SHISA9: variants seen among roughly 807,000 people sequenced by gnomAD.
The protein encoded by SHISA9 is protein shisa-9.
SHISA9 carries 13 observed loss-of-function variants against 38.0 expected under a neutral mutation model. The ratio of observed to expected loss-of-function variants is 0.34; its 90% CI spans 0.22 to 0.54. The LOEUF (loss-of-function observed/expected upper bound fraction) is 0.54. Among genes scored for constraint, SHISA9 ranks in the 20% least tolerant of loss-of-function variants. SHISA9 has a pLI of 0.91. For synonymous variants in SHISA9, 275 were observed against 242.0 expected (o/e 1.14, Z -1.27); for missense variants, 538 against 575.8 (o/e 0.93, Z 0.67).
At chr16:13,398,502 AT>A in the SHISA9 span, among the ~76,000 whole-genome samples, 47,753 of 140,118 alleles carry the variant, frequency 0.34, 7,583 homozygotes, top group Admixed American at 0.44. Context: ...TTTATTCACC[AT>A]TTTTTTTTTT....
chr16:13,477,627 A>G, the SHISA9 span, among the ~76,000 whole-genome samples: 19 of 152,200 alleles, frequency 1.2e-4, no homozygotes, highest in Non-Finnish European at 5.9e-5. Context: ...AAACAAAACG[A>G]AAGTATTTCC....
chr16:12,967,925 C>T (rs1220713501), intron 2 of SHISA9, among the ~76,000 whole-genome samples: 1 of 152,136 alleles, frequency 6.6e-6, no homozygotes, highest in Non-Finnish European at 1.5e-5. Flanking sequence ...CATGGTGGCT[C>T]ATGCCTGTAA....
chr16:12,988,583 G>C (rs532587716), intron 2 of SHISA9, among the ~76,000 whole-genome samples: 3 of 152,254 alleles, frequency 2.0e-5, no homozygotes, highest in African/African-American at 7.2e-5. Context: ...GGAGTGCAGT[G>C]GCGCGATTTC....
chr16:13,069,695 G>A (rs1020721483), intron 2 of SHISA9, among the ~76,000 whole-genome samples: 3 of 152,114 alleles, frequency 2.0e-5, no homozygotes, highest in African/African-American at 7.2e-5. Context: ...CAGTGAGGGT[G>A]CTATGGTCTC....
At chr16:13,326,098 G>A in the SHISA9 span, among the ~76,000 whole-genome samples, 111 of 151,418 alleles carry the variant, frequency 7.3e-4, no homozygotes, top group African/African-American at 2.5e-3. Context: ...AAAAAAAGAT[G>A]CTGTCCAAAT....
the SHISA9 span, among the ~76,000 whole-genome samples, chr16:13,500,400 C>G: frequency 6.6e-6 from 1 of 152,116 alleles, no homozygotes; most frequent in Admixed American, 6.5e-5. Context: ...AGGACTAAAA[C>G]AGTGCTGCTC....
chr16:13,102,271 C>G (rs1280313795), intron 2 of SHISA9, among the ~76,000 whole-genome samples: 2 of 152,176 alleles, frequency 1.3e-5, no homozygotes, highest in East Asian at 3.8e-4. Flanking sequence ...TTCTAAACAC[C>G]TAGCACTGTG....
intron 2 of SHISA9, among the ~76,000 whole-genome samples, chr16:12,997,705 C>G (rs2072475715): frequency 6.6e-6 from 1 of 152,174 alleles, no homozygotes; most frequent in Non-Finnish European, 1.5e-5. Flanking sequence ...CATACCCAGC[C>G]TTAACCTAAA....
chr16:13,075,823 T>G (rs1459777875), intron 2 of SHISA9, among the ~76,000 whole-genome samples: 1 of 152,120 alleles, frequency 6.6e-6, no homozygotes, highest in Non-Finnish European at 1.5e-5. Context: ...ACTCAGTGTT[T>G]CTTATCTAGA....
intron 4 of SHISA9, among the ~76,000 whole-genome samples, chr16:13,233,473 T>C (rs975435964): frequency 5.3e-5 from 8 of 152,204 alleles, no homozygotes; most frequent in African/African-American, 1.9e-4. Flanking sequence ...ATAATCCAAA[T>C]CAAAGGTCAG....
chr16:12,925,737 TC>T (rs1596532625), intron 2 of SHISA9, among the ~76,000 whole-genome samples: 1 of 152,262 alleles, frequency 6.6e-6, no homozygotes, highest in African/African-American at 2.4e-5. Context: ...TGGACACGTT[TC>T]TTTTCATAGA....
At chr16:13,462,775 A>G in the SHISA9 span, among the ~76,000 whole-genome samples, 2 of 152,020 alleles carry the variant, frequency 1.3e-5, no homozygotes, top group African/African-American at 2.4e-5. Context: ...CAGCCTGGCC[A>G]ACATGGTGAA....
the SHISA9 span, among the ~76,000 whole-genome samples, chr16:13,469,360 AAAGAAAAAG>A: frequency 1.3e-3 from 59 of 44,444 alleles, no homozygotes; most frequent in Admixed American, 3.4e-3. Flanking sequence ...GAAAGAAAGA[AAAGAAAAAG>A]AAAGAAAGAA....
At chr16:13,449,842 C>T in the SHISA9 span, among the ~76,000 whole-genome samples, 5 of 152,266 alleles carry the variant, frequency 3.3e-5, no homozygotes, top group East Asian at 1.9e-4. Context: ...CAGGTCTGGG[C>T]GCTGTGGCTC....
At chr16:12,995,950 T>C (rs551069745) in intron 2 of SHISA9, among the ~76,000 whole-genome samples, 1 of 152,272 alleles carries the variant, frequency 6.6e-6, no homozygotes, top group East Asian at 1.9e-4. Flanking sequence ...GAGTTGTGGT[T>C]TGTGCCCATG....
the SHISA9 span, among the ~76,000 whole-genome samples, chr16:13,444,538 T>C: frequency 8.5e-5 from 13 of 152,268 alleles, no homozygotes; most frequent in Middle Eastern, 3.4e-3. Context: ...CACGTTCTAT[T>C]GTCTGTGTCC....
At chr16:13,130,979 T>C (rs2050301408) in intron 2 of SHISA9, among the ~76,000 whole-genome samples, 1 of 152,074 alleles carries the variant, frequency 6.6e-6, no homozygotes, top group African/African-American at 2.4e-5. Flanking sequence ...ACTGATGAGG[T>C]TGTGGAGAAA....
chr16:13,435,628 A>G, the SHISA9 span, among the ~76,000 whole-genome samples: 2 of 152,234 alleles, frequency 1.3e-5, no homozygotes, highest in East Asian at 3.9e-4. Flanking sequence ...GGGAAAAAAA[A>G]GAGTACATCC....
intron 2 of SHISA9, among the ~76,000 whole-genome samples, chr16:12,941,501 A>T (rs2071611176): frequency 6.6e-6 from 1 of 152,224 alleles, no homozygotes; most frequent in South Asian, 2.1e-4. Context: ...CCATCCCATC[A>T]AGCATTTATC....
Sources: gnomAD v4.1 joint callset for allele counts (sites outside exome capture counted in the v4.1 genomes callset) on GRCh38, gnomAD v4.1.1 for gene constraint, MANE v1.5 for transcripts, NCBI Gene and HGNC (gene_info 2026-07-23, HGNC 2026-07-21) for gene names.